Variants in CALN1 observed in about 807,000 individuals in gnomAD.
CALN1 encodes calneuron 1, also known as calcium-binding protein 8.
In CALN1, 17 loss-of-function variants were observed where a neutral mutation model predicts 30.6. The ratio of observed to expected loss-of-function variants is 0.56; its 90% CI spans 0.38 to 0.83. The LOEUF is 0.83. CALN1 is among the 40% of genes least tolerant of loss of function. The pLI, the probability that CALN1 is intolerant of heterozygous loss-of-function variation, is 0.00. For synonymous variants in CALN1, 156 were observed against 131.4 expected, an observed-to-expected ratio of 1.19 and a Z score of -1.28; for missense variants, 291 against 354.9, an observed-to-expected ratio of 0.82 and a Z score of 1.45.
At chr7:71,950,620 A>G (rs1796641435) in intron 5 of CALN1, among the ~76,000 whole-genome samples, 1 of 151,942 alleles carries the variant, frequency 6.6e-6, no homozygotes, top group African/African-American at 2.4e-5. Flanking sequence ...TTTGTCCCTA[A>G]CACCCCCGAT....
chr7:72,179,024 G>C (rs746853146), intron 3 of CALN1, among the ~76,000 whole-genome samples: 1 of 152,154 alleles, frequency 6.6e-6, no homozygotes, highest in Non-Finnish European at 1.5e-5. Flanking sequence ...GAAAACTGGT[G>C]ATTTTTTTGG....
chr7:71,821,263 G>T (rs1010507746), intron 5 of CALN1, among the ~76,000 whole-genome samples: 1 of 152,118 alleles, frequency 6.6e-6, no homozygotes, highest in South Asian at 2.1e-4. Flanking sequence ...GGTGGCCCTC[G>T]TTACTGAATG....
chr7:71,971,989 GAAAGAGAA>G (rs1797858528), intron 5 of CALN1, among the ~76,000 whole-genome samples: 1 of 96,996 alleles, frequency 1.0e-5, no homozygotes, highest in South Asian at 3.4e-4. Flanking sequence ...AAGAAAGAAA[GAAAGAGAA>G]AGAAAGAAAA....
At chr7:72,370,873 G>A (rs564935076) in intron 2 of CALN1, among the ~76,000 whole-genome samples, 56 of 151,594 alleles carry the variant, frequency 3.7e-4, no homozygotes, top group African/African-American at 1.2e-3. Flanking sequence ...TGGTGAAGCC[G>A]CATCTCTACT....
At chr7:71,951,866 T>C (rs1796709458) in intron 5 of CALN1, among the ~76,000 whole-genome samples, 1 of 152,150 alleles carries the variant, frequency 6.6e-6, no homozygotes, top group Admixed American at 6.5e-5. Context: ...TGCAAGCGAC[T>C]TGCAGAATGG....
intron 2 of CALN1, among the ~76,000 whole-genome samples, chr7:72,369,096 T>C (rs1317436422): frequency 6.6e-6 from 1 of 151,560 alleles, no homozygotes; most frequent in Non-Finnish European, 1.5e-5. Context: ...ATTACAGGCA[T>C]GAGCCACTGC....
intron 4 of CALN1, among the ~76,000 whole-genome samples, chr7:72,048,419 C>A (rs864600): frequency 0.047 from 7,180 of 152,010 alleles, 392 homozygotes; most frequent in East Asian, 0.14. Flanking sequence ...TAGAGCAGCA[C>A]CTGCATGTGA....
chr7:72,380,097 T>G (rs890297666), intron 2 of CALN1, among the ~76,000 whole-genome samples: 9 of 152,196 alleles, frequency 5.9e-5, no homozygotes, highest in African/African-American at 1.9e-4. Flanking sequence ...TAGTGCACAT[T>G]GTTTTTTATT....
At chr7:72,240,509 A>C (rs745678977) in intron 3 of CALN1, among the ~76,000 whole-genome samples, 1 of 152,138 alleles carries the variant, frequency 6.6e-6, no homozygotes, top group Admixed American at 6.5e-5. Context: ...TTTGCTGAAT[A>C]GCTTCCAAAG....
intron 5 of CALN1, among the ~76,000 whole-genome samples, chr7:71,844,228 A>T (rs983800679): frequency 7.9e-5 from 12 of 152,178 alleles, no homozygotes; most frequent in Non-Finnish European, 1.3e-4. Flanking sequence ...ATGTCATTCC[A>T]TCAGATGCCC....
intron 2 of CALN1, among the ~76,000 whole-genome samples, chr7:72,287,672 T>C (rs1394049300): frequency 6.6e-6 from 1 of 152,054 alleles, no homozygotes; most frequent in Non-Finnish European, 1.5e-5. Context: ...GGTCTTGATC[T>C]CCTGACCTCG....
chr7:72,293,991 G>A lies in CALN1; in HGVS notation c.120-15181C>T, dbSNP rs193176428. Among the ~76,000 whole-genome samples the A allele has an allele frequency of 6.8e-3, 1,040 of 152,212 alleles. 8 individuals are homozygous for A. The highest frequency in any genetic ancestry group is 0.024 in the African/African-American group (988 of 41,546). ...TGCACACCTGTAATCCCAGCTACTC[G>A]GGAGGCTGAGGCAGGAGGATCACTT... On this transcript the variant is annotated intron_variant, in intron 2 of 6. Transcript: ENST00000395275.
intron 3 of CALN1, among the ~76,000 whole-genome samples, chr7:72,223,031 T>C (rs1293800790): frequency 2.0e-5 from 3 of 151,790 alleles, no homozygotes; most frequent in Non-Finnish European, 4.4e-5. Context: ...TAAAAATCAA[T>C]GAAAAAAGAA....
At chr7:72,158,355 C>T (rs952863176) in intron 3 of CALN1, among the ~76,000 whole-genome samples, 3 of 152,142 alleles carry the variant, frequency 2.0e-5, no homozygotes, top group African/African-American at 7.2e-5. Flanking sequence ...GAGTAGGAGG[C>T]CCTGGCCGTA....
chr7:72,338,525 G>GTGTGTCTGTCTGTC lies in CALN1; in HGVS notation c.120-59716_120-59715insGACAGACAGACACA. On this transcript the variant is annotated intron_variant, in intron 2 of 6. Transcript: ENST00000395275. ...TGTGTGTGTGTGTGTGTGTGTGTGT[G>GTGTGTCTGTCTGTC]TGTCTCACCTGGGTGTGGTTTCAGA... Among the ~76,000 whole-genome samples the GTGTGTCTGTCTGTC allele has an allele frequency of 1.7e-3, 207 of 122,378 alleles. 3 individuals are homozygous for GTGTGTCTGTCTGTC. The highest frequency in any genetic ancestry group is 8.5e-3 in the Middle Eastern group (2 of 236). The allele number at this position is 122,378 out of a possible 152,430, so 80.3% of individuals were successfully genotyped here.
the CALN1 span, among the ~76,000 whole-genome samples, chr7:72,466,173 T>G: frequency 2.7e-4 from 41 of 152,250 alleles, 1 homozygote; most frequent in African/African-American, 9.6e-4. Flanking sequence ...CAGCTCTGTA[T>G]AGTTTAGATT....
the CALN1 span, among the ~76,000 whole-genome samples, chr7:72,487,651 A>C: frequency 6.7e-6 from 1 of 148,246 alleles, no homozygotes; most frequent in Non-Finnish European, 1.5e-5. Context: ...GCCCCAGTGC[A>C]CTCCAGCCTG....
chr7:72,035,691 T>G (rs927794809), intron 4 of CALN1, among the ~76,000 whole-genome samples: 1 of 152,240 alleles, frequency 6.6e-6, no homozygotes, highest in African/African-American at 2.4e-5. Flanking sequence ...AATTTGGATT[T>G]ATACCAGCTT....
At chr7:72,487,914 GAAA>G in the CALN1 span, among the ~76,000 whole-genome samples, 6 of 75,736 alleles carry the variant, frequency 7.9e-5, no homozygotes, top group African/African-American at 1.4e-4. Context: ...AAGAAAGAAA[GAAA>G]GAAGGAAGGA....
Sources: gnomAD v4.1 joint callset for allele counts (sites outside exome capture counted in the v4.1 genomes callset) on GRCh38, gnomAD v4.1.1 for gene constraint, MANE v1.5 for transcripts, NCBI Gene and HGNC (gene_info 2026-07-23, HGNC 2026-07-21) for gene names.